The following PRICKLE2 variants were observed in gnomAD, a reference collection of about 807,000 sequenced individuals.
PRICKLE2 encodes prickle-like protein 2.
Under a neutral mutation model 81.4 loss-of-function variants are expected in PRICKLE2, and 21 were observed. The observed-to-expected ratio is 0.26, with a 90% CI of 0.18 to 0.37. The LOEUF (loss-of-function observed/expected upper bound fraction) is 0.37, where lower values mean the gene tolerates loss of function less well. PRICKLE2 is among the 10% of genes least tolerant of loss of function. PRICKLE2 has a pLI of 1.00. For synonymous variants in PRICKLE2, 456 were observed against 421.5 expected, an observed-to-expected ratio of 1.08 and a Z score of -1.00; for missense variants, 940 against 1,109.0, an observed-to-expected ratio of 0.85 and a Z score of 2.16.
At chr3:64,157,922 G>A (rs1251424145) in intron 4 of PRICKLE2, among the ~76,000 whole-genome samples, 1 of 152,228 alleles carries the variant, frequency 6.6e-6, no homozygotes, top group African/African-American at 2.4e-5. Flanking sequence ...TTTCTACATA[G>A]TCTTGATTGA....
Position 64,146,718 on chromosome 3 carries a change from G to C in PRICKLE2, c.1660+112C>G, listed in dbSNP as rs887224504. On this transcript the variant is annotated intron_variant, in intron 7 of 7. Transcript: ENST00000638394. ...AGATCGTGCCACTGCACTCCAGCCT[G>C]GGGGACAGAGCGAGACTCCATTTCA... 1.6e-5 allele frequency: 19 copies of C among 1,220,302 alleles called. No individual in the cohort carries two copies. In the South Asian group the frequency reaches 2.1e-4, roughly 14 times the overall value. 75.6% of individuals were successfully genotyped at this position (1,220,302 alleles called of 1,614,324 possible).
chr3:64,232,309 G>T (rs1048876658), intron 2 of PRICKLE2, among the ~76,000 whole-genome samples: 2 of 152,172 alleles, frequency 1.3e-5, no homozygotes, highest in African/African-American at 4.8e-5. Flanking sequence ...CTGCTTTGTG[G>T]CCTGACAGCT....
In PRICKLE2 at chr3:64,193,179, T is replaced by C. The variant is rs190655703; in HGVS notation, c.144+5605A>G. Among the ~76,000 whole-genome samples, 63 of 152,302 alleles carry C rather than the reference T, an allele frequency of 4.1e-4. No individual in the cohort carries two copies. In the East Asian group the frequency reaches 8.5e-3, roughly 21 times the overall value. The stretch of plus-strand genomic sequence containing the variant: ...GGTTAGCTGCTGCTGTCTTGTAATA[T>C]AGAGGAAAGCTGCCAATAAATGCAA... On this transcript the variant is annotated intron_variant, in intron 2 of 7. Transcript: ENST00000638394.
At chr3:64,128,924 T>C (rs2077156374) in intron 7 of PRICKLE2, among the ~76,000 whole-genome samples, 1 of 152,046 alleles carries the variant, frequency 6.6e-6, no homozygotes, top group African/African-American at 2.4e-5. Context: ...TTTTATTTTT[T>C]TTTTAACTTC....
chr3:64,256,394 CA>C (rs1456214251), intron 2 of PRICKLE2, among the ~76,000 whole-genome samples: 1 of 151,782 alleles, frequency 6.6e-6, no homozygotes, highest in African/African-American at 2.4e-5. Context: ...TAAATTTTGT[CA>C]AAAAAAATCT....
chr3:64,111,917 G>A (rs1175562892), intron 7 of PRICKLE2, among the ~76,000 whole-genome samples: 2 of 152,098 alleles, frequency 1.3e-5, no homozygotes, highest in African/African-American at 2.4e-5. Context: ...GCTATATAAT[G>A]TTTATGAGAA....
At chr3:64,100,711 G>A (rs2076645362) in intron 7 of PRICKLE2, 1 of 152,186 alleles carries the variant, frequency 6.6e-6, no homozygotes, top group Admixed American at 6.5e-5. Flanking sequence ...TTTCTTAACT[G>A]CTGTCAAATG....
At chr3:64,220,359 A>C (rs1285338729) in intron 1 of PRICKLE2, among the ~76,000 whole-genome samples, 2 of 152,210 alleles carry the variant, frequency 1.3e-5, no homozygotes, top group Non-Finnish European at 2.9e-5. Flanking sequence ...GGTGACTTGA[A>C]GACAATAGCA....
chr3:64,116,066 G>A (rs928738583), intron 7 of PRICKLE2, among the ~76,000 whole-genome samples: 12 of 152,276 alleles, frequency 7.9e-5, no homozygotes, highest in African/African-American at 2.9e-4. Context: ...ACAATTACAT[G>A]GAAATTGGAT....
chr3:64,198,577 G>C (rs2078507025), intron 2 of PRICKLE2: 1 of 640,572 alleles, frequency 1.6e-6, no homozygotes, highest in South Asian at 1.8e-5. Context: ...TGACAATACA[G>C]AATGAATTAG....
intron 1 of PRICKLE2, among the ~76,000 whole-genome samples, chr3:64,206,104 T>C (rs1324011637): frequency 6.6e-6 from 1 of 152,192 alleles, no homozygotes; most frequent in Admixed American, 6.5e-5. Context: ...ATAATAATTC[T>C]AGTTGTGAGA....
In PRICKLE2 at chr3:64,218,160, G is replaced by A. The variant is rs376207769; in HGVS notation, c.-41+6750C>T. On this transcript the variant is annotated intron_variant, in intron 1 of 7. Transcript: ENST00000638394. ...GTTAACCAGAACCCCTCATTCCCCA[G>A]AATACTCCTTTCATGTACCACTTCC... Among the ~76,000 whole-genome samples, 6 of 152,218 alleles carry A rather than the reference G, an allele frequency of 3.9e-5. No homozygotes were observed. The South Asian group carries it at 6.2e-4, about 16-fold the overall frequency.
intron 7 of PRICKLE2, chr3:64,101,156 G>A (rs969993766): frequency 1.3e-5 from 2 of 152,196 alleles, no homozygotes; most frequent in African/African-American, 4.8e-5. Flanking sequence ...TCTGTTGGGT[G>A]TACGACCAAG....
At chr3:64,176,065 C>T (rs898740951) in intron 2 of PRICKLE2, among the ~76,000 whole-genome samples, 5 of 152,056 alleles carry the variant, frequency 3.3e-5, no homozygotes, top group African/African-American at 7.2e-5. Context: ...CATTCACGTT[C>T]GAGGTAAGAA....
At chr3:64,150,089 G>A (rs374240107) in intron 6 of PRICKLE2, among the ~76,000 whole-genome samples, 181 of 150,564 alleles carry the variant, frequency 1.2e-3, no homozygotes, top group African/African-American at 4.2e-3. Context: ...CCCGAGCGCC[G>A]TGGACACTTC....
intron 2 of PRICKLE2, among the ~76,000 whole-genome samples, chr3:64,239,202 C>T (rs541553579): frequency 2.5e-4 from 38 of 152,288 alleles, no homozygotes; most frequent in African/African-American, 8.7e-4. Flanking sequence ...TCAGGCACCA[C>T]ATTCCTCTTC....
chr3:64,223,076 T>C (rs2078980377), intron 1 of PRICKLE2, among the ~76,000 whole-genome samples: 1 of 152,236 alleles, frequency 6.6e-6, no homozygotes, highest in African/African-American at 2.4e-5. Context: ...GATATAACAG[T>C]ACCAGAGATG....
chr3:64,155,366 G>A (rs375582929), intron 5 of PRICKLE2, among the ~76,000 whole-genome samples: 2 of 146,726 alleles, frequency 1.4e-5, no homozygotes. Context: ...TAGCTATAAT[G>A]AAAAAAAAAA....
chr3:64,175,989 A>T (rs1355865500), intron 2 of PRICKLE2, among the ~76,000 whole-genome samples: 1 of 152,172 alleles, frequency 6.6e-6, no homozygotes, highest in Non-Finnish European at 1.5e-5. Context: ...TTCTGTACCC[A>T]TCATCCATGT....
Sources: allele counts gnomAD v4.1 joint callset (sites outside exome capture counted in the v4.1 genomes callset), GRCh38; gene constraint gnomAD v4.1.1; transcripts MANE v1.5; gene names NCBI Gene and HGNC (gene_info 2026-07-23, HGNC 2026-07-21).